The following SGCB variants were observed in gnomAD, a reference collection of about 807,000 sequenced individuals.
SGCB encodes sarcoglycan beta.
In SGCB, 25 loss-of-function variants were observed where a neutral mutation model predicts 27.3. The observed-to-expected ratio is 0.92, with a 90% CI of 0.67 to 1.28. SGCB has a LOEUF of 1.28. Among genes scored for constraint, SGCB ranks in the 50% most tolerant of loss-of-function variants. The pLI, the probability that SGCB is intolerant of heterozygous loss-of-function variation, is 0.00. For synonymous variants in SGCB, 147 were observed against 133.5 expected (o/e 1.10, Z -0.70); for missense variants, 436 against 402.1 (o/e 1.08, Z -0.72).
Position 52,022,797 on chromosome 4 carries a change from A to C in SGCB, c.*1160T>G, listed in dbSNP as rs1736988814. 1 of 152,158 alleles carries C rather than the reference A, an allele frequency of 6.6e-6. No individual in the cohort carries two copies. The allele number at this position is 152,158 out of a possible 1,614,324, so 9.4% of individuals were successfully genotyped here. On this transcript the variant is annotated 3_prime_UTR_variant, in exon 6 of 6. Transcript: ENST00000381431. ...TTGTTACTCCAGTGTGCCAAGGTCC[A>C]TTGTTGGGAAACTGAGGTAACTCAG... is the stretch of plus-strand genomic sequence containing the variant.
chr4:52,038,289 C>A lies in SGCB; in HGVS notation c.-30G>T, dbSNP rs886059441. On this transcript the variant is annotated 5_prime_UTR_variant, in exon 1 of 6. Coordinates refer to ENST00000381431, the MANE Select transcript of SGCB (RefSeq NM_000232.5). The stretch of plus-strand genomic sequence containing the variant: ...CCGCGCCCGCCGCCGCCGAGCTCCC[C>A]GCCCGACTGTGCCCGCCCCTCCGCG... The A allele has an allele frequency of 7.8e-6, 10 of 1,286,818 alleles. No homozygotes were observed. The highest frequency in any genetic ancestry group is 5.2e-5 in the South Asian group (2 of 38,308). 79.7% of individuals were successfully genotyped at this position (1,286,818 alleles called of 1,614,324 possible).
intron 1 of SGCB, among the ~76,000 whole-genome samples, chr4:52,037,554 C>T (rs756064435): frequency 6.6e-6 from 1 of 152,198 alleles, no homozygotes; most frequent in Non-Finnish European, 1.5e-5. Context: ...TATATTAACA[C>T]ACACACATAT....
chr4:52,034,318 C>A (rs947730690), intron 1 of SGCB, among the ~76,000 whole-genome samples: 1 of 51,210 alleles, frequency 2.0e-5, no homozygotes, highest in Non-Finnish European at 4.2e-5. Context: ...GGCGACAGAG[C>A]GAGACTCCGT....
chr4:52,022,895 G>A lies in SGCB; in HGVS notation c.*1062C>T, dbSNP rs1377965224. On this transcript the variant is annotated 3_prime_UTR_variant, in exon 6 of 6. Transcript: ENST00000381431. ...CCAACATAGCTTACAATCGGACAGTGATTGGTCCTTTCTGGGTCTGACATG... is the reference window on the plus strand; with the variant it reads ...CCAACATAGCTTACAATCGGACAGTAATTGGTCCTTTCTGGGTCTGACATG... 6.6e-6 allele frequency: 1 copy of A among 152,218 alleles called. No individual in the cohort carries two copies. Among genetic ancestry groups the A allele is most frequent in the Non-Finnish European group, 1.5e-5 (1 of 68,034 alleles). 9.4% of individuals were successfully genotyped at this position (152,218 alleles called of 1,614,324 possible).
At chr4:52,025,343 C>T (rs925898271) in intron 5 of SGCB, among the ~76,000 whole-genome samples, 3 of 128,424 alleles carry the variant, frequency 2.3e-5, no homozygotes, top group African/African-American at 7.6e-5. Context: ...GGAAGGACCA[C>T]CTGTGGTTTG....
At chr4:52,027,191 T>A (rs890620272) in intron 5 of SGCB, among the ~76,000 whole-genome samples, 4 of 152,196 alleles carry the variant, frequency 2.6e-5, no homozygotes, top group African/African-American at 9.7e-5. Context: ...AAGACAAATT[T>A]AATTCGCTTT....
chr4:52,028,412 C>T (rs936142422), intron 4 of SGCB, among the ~76,000 whole-genome samples: 1 of 152,078 alleles, frequency 6.6e-6, no homozygotes, highest in Non-Finnish European at 1.5e-5. Flanking sequence ...CCGAGACGGG[C>T]GGATCACGAG....
rs1160443443 is a variant in SGCB at position 52,028,900 on chromosome 4, T to C, written c.451A>G (p.Thr151Ala). 3.1e-6 allele frequency: 5 copies of C among 1,613,920 alleles called. No homozygotes were observed. The highest frequency in any genetic ancestry group is 4.2e-6 in the Non-Finnish European group (5 of 1,179,812). ...NQPIVFQQGTTKLSVENNKTS... is the reference protein window; with the variant it reads ...NQPIVFQQGTAKLSVENNKTS... ...TTGTTGTTTTCTACACTGAGCTTTG[T>C]TGTCCCTTGCTGAAAAACAATCTTC... The change falls in exon 4 of 6, where the codon ACA (threonine) becomes GCA (alanine). Residue 151 changes from threonine (T) to alanine (A), a missense_variant. Coordinates refer to ENST00000381431, the MANE Select transcript of SGCB (RefSeq NM_000232.5).
At position 52,022,855 on chromosome 4, in the gene SGCB, T is replaced by C. The variant is rs1294527998; in HGVS notation, c.*1102A>G. On this transcript the variant is annotated 3_prime_UTR_variant, in exon 6 of 6. Coordinates refer to ENST00000381431, the MANE Select transcript of SGCB (RefSeq NM_000232.5). ...TAAATTTGACCTCTCCATCGTATAA[T>C]ATTTTGGAATTGGCCCAACATAGCT... 1 of 152,224 alleles carries C rather than the reference T, an allele frequency of 6.6e-6. No homozygotes were observed. The highest frequency in any genetic ancestry group is 2.4e-5 in the African/African-American group (1 of 41,462). 9.4% of individuals were successfully genotyped at this position (152,224 alleles called of 1,614,324 possible).
Position 52,028,972 on chromosome 4 carries a change from C to G in SGCB, c.430-51G>C, listed in dbSNP as rs781603777. 2.2e-6 allele frequency: 3 copies of G among 1,345,522 alleles called. No homozygotes were observed. The Admixed American group carries it at 5.1e-5, about 23-fold the overall frequency. 83.3% of individuals were successfully genotyped at this position (1,345,522 alleles called of 1,614,324 possible). A position where few individuals can be genotyped will look rare whatever the true frequency, so the allele number is the denominator to read the frequency against. On this transcript the variant is annotated intron_variant, in intron 3 of 5. Coordinates refer to ENST00000381431, the MANE Select transcript of SGCB (RefSeq NM_000232.5). The stretch of plus-strand genomic sequence containing the variant: ...ATATATTTTCAAAGAAGACTGCAAA[C>G]AAAATTCCTGAACAATATATTTTAA...
chr4:52,037,872 C>A (rs999210886), intron 1 of SGCB, among the ~76,000 whole-genome samples: 1 of 152,278 alleles, frequency 6.6e-6, no homozygotes, highest in Non-Finnish European at 1.5e-5. Context: ...TATTTTTATC[C>A]AAATCTCTGC....
Position 52,029,822 on chromosome 4 carries a change from A to G in SGCB, c.285T>C (p.Asn95=), listed in dbSNP as rs1211277353. The change falls in exon 3 of 6, where the codon AAT becomes AAC. Residue 95 remains asparagine, a synonymous_variant. Coordinates refer to ENST00000381431, the MANE Select transcript of SGCB (RefSeq NM_000232.5). The part of the protein sequence containing the change: ...VIWAVIRIGP[N]GCDSMEFHES... The stretch of plus-strand genomic sequence containing the variant: ...CATGAAACTCCATACTATCACAGCC[A>G]TTTGGTCCAATGCGAATCACGGCCC... 5.0e-6 allele frequency: 8 copies of G among 1,614,008 alleles called. No homozygotes were observed. Among genetic ancestry groups the G allele is most frequent in the Non-Finnish European group, 6.8e-6 (8 of 1,179,922 alleles).
chr4:52,036,550 G>C (rs539504529), intron 1 of SGCB, among the ~76,000 whole-genome samples: 1 of 152,310 alleles, frequency 6.6e-6, no homozygotes, highest in Non-Finnish European at 1.5e-5. Flanking sequence ...GAAGAGCCTA[G>C]AAGTGAAGAT....
At chr4:52,033,133 T>C (rs1331434764) in intron 2 of SGCB, among the ~76,000 whole-genome samples, 8 of 152,236 alleles carry the variant, frequency 5.3e-5, no homozygotes, top group Non-Finnish European at 2.9e-5. Flanking sequence ...TCTATTGAGT[T>C]GATCCTATCC....
chr4:52,029,957 C>A, intron 2 of SGCB, 94 bp from the exon 3 acceptor site: 1 of 936,340 alleles, frequency 1.1e-6, no homozygotes, highest in Non-Finnish European at 1.7e-6. Flanking sequence ...ATGTTAAAGA[C>A]CTCCTAAAAT....
Position 52,023,933 on chromosome 4 carries a change from A to C in SGCB, c.*24T>G. 1 of 1,594,514 alleles carries C rather than the reference A, an allele frequency of 6.3e-7. No homozygotes were observed. The highest frequency in any genetic ancestry group is 8.6e-7 in the Non-Finnish European group (1 of 1,162,306). On this transcript the variant is annotated 3_prime_UTR_variant, in exon 6 of 6. Coordinates refer to ENST00000381431, the MANE Select transcript of SGCB (RefSeq NM_000232.5). Reference sequence around the variant, plus strand: ...AAAAAAGTCAAGTCAAGATATAAACATGTTGGTGACCTCTGGGGTTCTTTT... The same window carrying C: ...AAAAAAGTCAAGTCAAGATATAAACCTGTTGGTGACCTCTGGGGTTCTTTT...
At chr4:52,034,078 T>A (rs1054933874) in intron 1 of SGCB, among the ~76,000 whole-genome samples, 8 of 151,812 alleles carry the variant, frequency 5.3e-5, no homozygotes, top group Non-Finnish European at 1.0e-4. Flanking sequence ...AGGCCTGTAA[T>A]CCCAGCACTT....
chr4:52,037,863 A>G (rs902391949), intron 1 of SGCB, among the ~76,000 whole-genome samples: 2 of 152,150 alleles, frequency 1.3e-5, no homozygotes, highest in African/African-American at 4.8e-5. Flanking sequence ...GGCTGCGGTT[A>G]TTTTTATCCA....
At chr4:52,028,359 C>T (rs545886141) in intron 4 of SGCB, among the ~76,000 whole-genome samples, 6 of 152,264 alleles carry the variant, frequency 3.9e-5, no homozygotes, top group Admixed American at 6.5e-5. Context: ...AACTCTCAGC[C>T]GGGAGCGGTG....
Sources: gnomAD v4.1 joint callset for allele counts (sites outside exome capture counted in the v4.1 genomes callset) on GRCh38, gnomAD v4.1.1 for gene constraint, MANE v1.5 for transcripts, NCBI Gene and HGNC (gene_info 2026-07-23, HGNC 2026-07-21) for gene names.